PRKAR2A: variants seen among roughly 807,000 people sequenced by gnomAD.
PRKAR2A encodes protein kinase cAMP-dependent type II regulatory subunit alpha.
In PRKAR2A, 29 loss-of-function variants were observed where a neutral mutation model predicts 51.9. The ratio of observed to expected loss-of-function variants is 0.56; its 90% CI spans 0.42 to 0.76. PRKAR2A has a LOEUF of 0.76. Among genes scored for constraint, PRKAR2A ranks in the 30% least tolerant of loss-of-function variants. The pLI, the probability that PRKAR2A is intolerant of heterozygous loss-of-function variation, is 0.00. For synonymous variants in PRKAR2A, 178 were observed against 186.2 expected (o/e 0.96, Z 0.36); for missense variants, 445 against 512.1 (o/e 0.87, Z 1.26).
intron 1 of PRKAR2A, among the ~76,000 whole-genome samples, chr3:48,823,871 C>T (rs2083012735): frequency 6.6e-6 from 1 of 151,014 alleles, no homozygotes; most frequent in Non-Finnish European, 1.5e-5. Context: ...AAAAGGAAAT[C>T]AGGAGGAAAT....
intron 1 of PRKAR2A, among the ~76,000 whole-genome samples, chr3:48,821,862 C>A (rs566257255): frequency 6.6e-6 from 1 of 150,890 alleles, no homozygotes; most frequent in African/African-American, 2.4e-5. Flanking sequence ...TTGCAGTGAG[C>A]CGAGATTGCA....
chr3:48,847,346 T>A lies in PRKAR2A; in HGVS notation c.251A>T (p.Glu84Val), dbSNP rs1468753114. 2 of 1,613,550 alleles carry A rather than the reference T, an allele frequency of 1.2e-6. No homozygotes were observed. The highest frequency in any genetic ancestry group is 3.3e-5 in the Admixed American group (2 of 60,002). Residue 84 changes from glutamate to valine, a missense_variant, in exon 1 of 11, where the codon GAG (glutamate) becomes GTG (valine). Coordinates refer to ENST00000265563, the MANE Select transcript of PRKAR2A (RefSeq NM_004157.4). This position sits in a 1 kb window ranked among gnomAD's most constrained non-coding sequence, Gnocchi z 4.4. ...AKGDSESEED[E>V]DLEVPVPSRF... ...CGCCCACAGCCTACCTTCCAAGTCC[T>A]CGTCCTCCTCCGACTCGCTGTCCCC...
rs765793002 is a variant in PRKAR2A, at chr3:48,790,534, T to C, written c.435+10A>G. 6.6e-7 allele frequency: 1 copy of C among 1,513,114 alleles called. No homozygotes were observed. Among genetic ancestry groups the C allele is most frequent in the East Asian group, 2.4e-5 (1 of 41,494 alleles). 93.7% of individuals were successfully genotyped at this position (1,513,114 alleles called of 1,614,324 possible). ...CATTATAATAAAAATACTTTAGAAA[T>C]CAATGTTACCTGATCAAGATTTTTG... On this transcript the variant is annotated intron_variant, in intron 4 of 10. Transcript: ENST00000265563.
At chr3:48,778,249 C>A (rs141309358) in intron 5 of PRKAR2A, among the ~76,000 whole-genome samples, 90 of 152,238 alleles carry the variant, frequency 5.9e-4, no homozygotes, top group African/African-American at 2.0e-3. Context: ...TATCGGCCTC[C>A]CAAAGTGCTG....
rs1256344586 is a variant in PRKAR2A, at chr3:48,829,881, T to A, written c.262+17454A>T. ...TATATATATATATATATTTTTTTTTTTTTTTTAAGCTTTTTTGTTAAAAAC... is the reference window on the plus strand; with the variant it reads ...TATATATATATATATATTTTTTTTTATTTTTTAAGCTTTTTTGTTAAAAAC... On this transcript the variant is annotated intron_variant, in intron 1 of 10. Coordinates refer to ENST00000265563, the MANE Select transcript of PRKAR2A (RefSeq NM_004157.4). 9.1e-3 allele frequency among the ~76,000 whole-genome samples: 899 copies of A among 98,376 alleles called. 5 individuals carry two copies. Among genetic ancestry groups the A allele is most frequent in the Non-Finnish European group, 0.014 (613 of 43,850 alleles). The allele number at this position is 98,376 out of a possible 152,430, so 64.5% of individuals were successfully genotyped here.
At chr3:48,818,805 G>C (rs1308496345) in intron 1 of PRKAR2A, among the ~76,000 whole-genome samples, 1 of 152,044 alleles carries the variant, frequency 6.6e-6, no homozygotes, top group Non-Finnish European at 1.5e-5. Flanking sequence ...TTCAATAAGG[G>C]TAGTACTACT....
intron 6 of PRKAR2A, among the ~76,000 whole-genome samples, chr3:48,771,227 G>A (rs1027586800): frequency 1.3e-5 from 2 of 152,120 alleles, no homozygotes; most frequent in African/African-American, 2.4e-5. Flanking sequence ...GTGTTATTTG[G>A]CTGGGCACAG....
intron 6 of PRKAR2A, among the ~76,000 whole-genome samples, chr3:48,770,967 T>C (rs534387712): frequency 3.9e-4 from 60 of 152,322 alleles, no homozygotes; most frequent in South Asian, 2.1e-3. Flanking sequence ...GGCTCTTGCC[T>C]GTAATCCCAG....
At chr3:48,754,122 G>A (rs575883905) in intron 9 of PRKAR2A, among the ~76,000 whole-genome samples, 1 of 151,768 alleles carries the variant, frequency 6.6e-6, no homozygotes, top group Admixed American at 6.6e-5. Context: ...GGATGGTCTC[G>A]ATCTCCTGAC....
At chr3:48,789,847 CCCTT>C (rs1022879441) in intron 4 of PRKAR2A, among the ~76,000 whole-genome samples, 9 of 151,898 alleles carry the variant, frequency 5.9e-5, no homozygotes, top group Non-Finnish European at 8.8e-5. Flanking sequence ...CTCTCTCCCT[CCCTT>C]CCTTTTGTTC....
chr3:48,843,994 A>C (rs1454185752), intron 1 of PRKAR2A, among the ~76,000 whole-genome samples: 1 of 149,306 alleles, frequency 6.7e-6, no homozygotes, highest in African/African-American at 2.5e-5. Context: ...ATGGGATCTA[A>C]TTAAACTAAA....
Position 48,765,008 on chromosome 3 carries a change from G to C in PRKAR2A, c.869C>G (p.Thr290Ser). The change falls in exon 8 of 11, where the codon ACT becomes AGT. Residue 290 changes from threonine to serine, a missense_variant. Coordinates refer to ENST00000265563, the MANE Select transcript of PRKAR2A (RefSeq NM_004157.4). The stretch of plus-strand genomic sequence containing the variant: ...CTGCGTAAAGCCCTCACTCACCTGA[G>C]TGATTATGCGTTCTCCATCCTTATA... ...KIYKDGERII[T>S]QGEKADSFYI... 6.2e-7 allele frequency: 1 copy of C among 1,613,802 alleles called. No homozygotes were observed. The highest frequency in any genetic ancestry group is 8.5e-7 in the Non-Finnish European group (1 of 1,179,700).
chr3:48,800,709 C>A (rs1156365208), intron 2 of PRKAR2A, among the ~76,000 whole-genome samples: 1 of 151,794 alleles, frequency 6.6e-6, no homozygotes, highest in East Asian at 2.0e-4. Context: ...CTTGCTCTGT[C>A]GCGCAGGCTG....
At position 48,751,550 on chromosome 3, in the gene PRKAR2A, G is replaced by A; in HGVS notation, c.*35C>T. Reference sequence around the variant, plus strand: ...TTCTGTGGCTGACCAGAAGGTTTTGGTGTCACACTAAGAAGGCTCTGGGGT... The same window carrying A: ...TTCTGTGGCTGACCAGAAGGTTTTGATGTCACACTAAGAAGGCTCTGGGGT... On this transcript the variant is annotated 3_prime_UTR_variant, in exon 11 of 11. Coordinates refer to ENST00000265563, the MANE Select transcript of PRKAR2A (RefSeq NM_004157.4). The A allele has an allele frequency of 6.2e-7, 1 of 1,604,068 alleles. No homozygotes were observed. Among genetic ancestry groups the A allele is most frequent in the Non-Finnish European group, 8.5e-7 (1 of 1,173,064 alleles).
At chr3:48,769,771 C>A (rs1400557798) in intron 6 of PRKAR2A, among the ~76,000 whole-genome samples, 5 of 151,810 alleles carry the variant, frequency 3.3e-5, no homozygotes, top group Admixed American at 3.3e-4. Context: ...CCACTACGCC[C>A]GGCAAGCGAC....
intron 5 of PRKAR2A, among the ~76,000 whole-genome samples, chr3:48,773,686 C>T (rs1226274443): frequency 6.6e-6 from 1 of 151,668 alleles, no homozygotes; most frequent in Non-Finnish European, 1.5e-5. Flanking sequence ...AGTTTTAATA[C>T]TTCCTTTCCA....
intron 1 of PRKAR2A, among the ~76,000 whole-genome samples, chr3:48,843,896 T>C (rs1306274553): frequency 6.6e-6 from 1 of 151,082 alleles, no homozygotes; most frequent in East Asian, 1.9e-4. Flanking sequence ...GAAGAAAACC[T>C]AGGCATTACC....
At chr3:48,778,895 G>A (rs2082147318) in intron 5 of PRKAR2A, among the ~76,000 whole-genome samples, 3 of 141,008 alleles carry the variant, frequency 2.1e-5, no homozygotes, top group African/African-American at 5.4e-5. Flanking sequence ...GCATGATCTC[G>A]GCTCACTGCA....
At chr3:48,777,494 C>T (rs928212063) in intron 5 of PRKAR2A, among the ~76,000 whole-genome samples, 1 of 152,164 alleles carries the variant, frequency 6.6e-6, no homozygotes, top group African/African-American at 2.4e-5. Flanking sequence ...TAAGCTCCGC[C>T]TCCTGGGTTT....
Sources: gnomAD v4.1 joint callset for allele counts (sites outside exome capture counted in the v4.1 genomes callset) on GRCh38, gnomAD v4.1.1 for gene constraint, Gnocchi (gnomAD v3.1) non-coding constraint, MANE v1.5 for transcripts, NCBI Gene and HGNC (gene_info 2026-07-23, HGNC 2026-07-21) for gene names.